Variants in NOXRED1 observed in about 807,000 individuals in gnomAD.
NOXRED1 encodes NADP dependent oxidoreductase domain containing 1.
Under a neutral mutation model 30.4 loss-of-function variants are expected in NOXRED1, and 20 were observed. The ratio of observed to expected loss-of-function variants is 0.66; its 90% CI spans 0.46 to 0.96. The LOEUF (loss-of-function observed/expected upper bound fraction) is 0.96. Among genes scored for constraint, NOXRED1 ranks in the 40% least tolerant of loss-of-function variants. The probability of loss-of-function intolerance (pLI) is 0.00; values close to 1 mark genes in which losing one functional copy is unlikely to be tolerated. For missense variants in NOXRED1, 374 were observed against 428.0 expected, an observed-to-expected ratio of 0.87 and a Z score of 1.11; for synonymous variants, 155 against 168.0, an observed-to-expected ratio of 0.92 and a Z score of 0.60.
intron 5 of NOXRED1, among the ~76,000 whole-genome samples, chr14:77,404,339 G>A (rs176769): frequency 0.95 from 144,919 of 152,284 alleles, 69,364 homozygotes; most frequent in East Asian, 1. Context: ...ATTGGAATAC[G>A]AAAGATGAGG....
chr14:77,413,930 T>TCACC lies in NOXRED1; in HGVS notation c.349_349+3dup, dbSNP rs1332838383. The TCACC allele has an allele frequency of 6.4e-7, 1 of 1,574,448 alleles. No individual in the cohort carries two copies. Among genetic ancestry groups the TCACC allele is most frequent in the Admixed American group, 1.8e-5 (1 of 56,944 alleles). ...CCCCCTTTCTACCACACACTGCTCC[T>TCACC]CACCCAGAGTCTCTGGCCTCCGAGT... On this transcript the variant is annotated splice_donor_region_variant and intron_variant, in intron 2 of 5. Coordinates refer to ENST00000380835, the MANE Select transcript of NOXRED1 (RefSeq NM_001113475.3).
intron 2 of NOXRED1, among the ~76,000 whole-genome samples, chr14:77,412,809 T>A (rs147145357): frequency 1.4e-4 from 21 of 152,060 alleles, no homozygotes; most frequent in African/African-American, 4.6e-4. Flanking sequence ...AAATCATTAT[T>A]TCAAAAAATG....
chr14:77,394,848 T>C (rs762715958), intron 5 of NOXRED1, 43 bp from the exon 6 acceptor site: 5 of 1,440,370 alleles, frequency 3.5e-6, no homozygotes, highest in Non-Finnish European at 4.8e-6. Flanking sequence ...GTCTGTTCAG[T>C]ATATCTGATT....
intron 1 of NOXRED1, among the ~76,000 whole-genome samples, chr14:77,414,342 G>A (rs1313286314): frequency 2.0e-5 from 3 of 151,898 alleles, no homozygotes; most frequent in Non-Finnish European, 2.9e-5. Context: ...ACCACTCCCG[G>A]CTAATTTTTT....
At chr14:77,406,166 T>G (rs13379432) in intron 4 of NOXRED1, 31 bp from the exon 5 acceptor site, 378,808 of 1,493,086 alleles carry the variant, frequency 0.25, 50,963 homozygotes, top group African/African-American at 0.43. Context: ...AAATACCAGT[T>G]AGCACCACCA....
At chr14:77,398,862 A>G (rs200515487) in intron 5 of NOXRED1, among the ~76,000 whole-genome samples, 1 of 152,066 alleles carries the variant, frequency 6.6e-6, no homozygotes, top group Non-Finnish European at 1.5e-5. Flanking sequence ...CCAGCTACTC[A>G]GGAGGCTGAG....
chr14:77,394,647 C>G lies in NOXRED1; in HGVS notation c.1064G>C (p.Gly355Ala). 1 of 1,610,988 alleles carries G rather than the reference C, an allele frequency of 6.2e-7. No individual in the cohort carries two copies. Among genetic ancestry groups the G allele is most frequent in the Middle Eastern group, 1.7e-4 (1 of 6,052 alleles). ...TGAGTTCTCTTATTGGGATGGAAAG[C>G]CTGTGGAAATGACTGGCTGTTCTTT... is the stretch of plus-strand genomic sequence containing the variant. ...LTKEQPVIST[G>A]FPSQ is the part of the protein sequence containing the mutation. Residue 355 changes from glycine to alanine, a missense_variant, in exon 6 of 6, where the codon GGC (glycine) becomes GCC (alanine). Transcript: ENST00000380835.
rs764567257 is a variant in NOXRED1, at chr14:77,406,616, CACACACACACACACACACAGAG to C, written c.682+86_682+107del. The stretch of plus-strand genomic sequence containing the variant: ...ACACACACACACACACACACACACA[CACACACACACACACACACAGAG>C]AGAGAGAGATTGATTTAATAAGATA... On this transcript the variant is annotated intron_variant, in intron 4 of 5. Transcript: ENST00000380835. 1.6e-4 allele frequency: 158 copies of C among 957,710 alleles called. No homozygotes were observed. The African/African-American group carries it at 2.9e-3, about 18-fold the overall frequency. 59.3% of individuals were successfully genotyped at this position (957,710 alleles called of 1,614,324 possible). A position where few individuals can be genotyped will look rare whatever the true frequency, so the allele number is the denominator to read the frequency against.
rs1230371269 is a variant in NOXRED1 at position 77,394,626 on chromosome 14, TTC to T, written c.*3_*4del. On this transcript the variant is annotated 3_prime_UTR_variant, in exon 6 of 6. Coordinates refer to ENST00000380835, the MANE Select transcript of NOXRED1 (RefSeq NM_001113475.3). ...GTGGGAAAAAATCCTGATTCCTGAG[TTC>T]TCTTATTGGGATGGAAAGCCTGTGG... 1 of 1,604,476 alleles carries T rather than the reference TTC, an allele frequency of 6.2e-7. No individual in the cohort carries two copies. Among genetic ancestry groups the T allele is most frequent in the East Asian group, 2.2e-5 (1 of 44,762 alleles).
intron 5 of NOXRED1, among the ~76,000 whole-genome samples, 163 bp from the exon 6 acceptor site, chr14:77,394,968 G>A (rs1048441976): frequency 1.3e-5 from 2 of 152,156 alleles, no homozygotes; most frequent in African/African-American, 4.8e-5. Context: ...TAGTCAATGT[G>A]TAGATTTAAG....
At chr14:77,406,318 A>C (rs2139675326) in intron 4 of NOXRED1, 183 bp from the exon 5 acceptor site, 1 of 604,018 alleles carries the variant, frequency 1.7e-6, no homozygotes, top group Non-Finnish European at 2.9e-6. Context: ...TTTATAACAC[A>C]TCATGTGTTG....
chr14:77,410,007 T>C (rs1894601877), intron 2 of NOXRED1, among the ~76,000 whole-genome samples: 1 of 152,106 alleles, frequency 6.6e-6, no homozygotes. Context: ...TTCATCATGT[T>C]GGCCAGGCTG....
chr14:77,412,535 CAG>C (rs1894687938), intron 2 of NOXRED1, among the ~76,000 whole-genome samples: 1 of 152,122 alleles, frequency 6.6e-6, no homozygotes, highest in South Asian at 2.1e-4. Flanking sequence ...TTAATTGAGA[CAG>C]AGTCTTACTC....
At chr14:77,414,181 CTTTT>C (rs10592368) in intron 1 of NOXRED1, 54 bp from the exon 2 acceptor site, 16,403 of 692,104 alleles carry the variant, frequency 0.024, no homozygotes, top group South Asian at 0.037. Flanking sequence ...ACTAGTTTTT[CTTTT>C]TTTTTTTTTT....
At chr14:77,405,831 A>G in intron 5 of NOXRED1, 82 bp downstream of exon 5, 2 of 823,206 alleles carry the variant, frequency 2.4e-6, no homozygotes, top group Non-Finnish European at 4.0e-6. Context: ...TAAAGAGAAC[A>G]TGAAAGGATA....
Position 77,407,636 on chromosome 14 carries a change from T to G in NOXRED1, c.359A>C (p.Gln120Pro). ...TRRPETLGEL[Q>P]KLGIKCFYHN... ...GTAAAAGCATTTGATTCCCAGCTTC[T>G]GGAGCTCACCTGGGAGGGATAAAGG... Residue 120 changes from glutamine to proline, a missense_variant, in exon 3 of 6, where the codon CAG becomes CCG. Coordinates refer to ENST00000380835, the MANE Select transcript of NOXRED1 (RefSeq NM_001113475.3). The G allele has an allele frequency of 1.2e-6, 2 of 1,613,850 alleles. No individual in the cohort carries two copies. Among genetic ancestry groups the G allele is most frequent in the Non-Finnish European group, 1.7e-6 (2 of 1,179,718 alleles).
intron 2 of NOXRED1, among the ~76,000 whole-genome samples, chr14:77,413,672 C>T (rs1045480685): frequency 1.3e-5 from 2 of 152,148 alleles, no homozygotes; most frequent in Non-Finnish European, 2.9e-5. Flanking sequence ...TGGAAAGCTT[C>T]CCTGTATCAA....
intron 5 of NOXRED1, among the ~76,000 whole-genome samples, chr14:77,397,490 A>G (rs190374205): frequency 3.2e-4 from 49 of 152,336 alleles, no homozygotes; most frequent in African/African-American, 1.1e-3. Flanking sequence ...CAGTTTTGCA[A>G]TATCTATTTC....
intron 5 of NOXRED1, among the ~76,000 whole-genome samples, chr14:77,401,558 C>T (rs1432365665): frequency 6.6e-6 from 1 of 152,054 alleles, no homozygotes; most frequent in Non-Finnish European, 1.5e-5. Flanking sequence ...ATCAGCTGGG[C>T]ACAATGGTGT....
Sources: allele counts gnomAD v4.1 joint callset (sites outside exome capture counted in the v4.1 genomes callset), GRCh38; gene constraint gnomAD v4.1.1; transcripts MANE v1.5; gene names NCBI Gene and HGNC (gene_info 2026-07-23, HGNC 2026-07-21).